CYRIB: variants seen among roughly 807,000 people sequenced by gnomAD.
The protein encoded by CYRIB is CYFIP related Rac1 interactor B.
A neutral mutation model predicts 44.2 loss-of-function variants in CYRIB; 8 were observed. The observed-to-expected ratio is 0.18, with a 90% CI of 0.11 to 0.33. The LOEUF is 0.33. Among genes scored for constraint, CYRIB ranks in the 10% least tolerant of loss-of-function variants. CYRIB has a pLI of 1.00. For missense variants in CYRIB, 185 were observed against 382.8 expected, an observed-to-expected ratio of 0.48 and a Z score of 4.31; for synonymous variants, 131 against 127.2, an observed-to-expected ratio of 1.03 and a Z score of -0.20.
chr8:129,906,100 A>T (rs990159269), intron 1 of CYRIB, among the ~76,000 whole-genome samples: 2 of 152,006 alleles, frequency 1.3e-5, no homozygotes, highest in African/African-American at 4.8e-5. Context: ...GGAAAAAACT[A>T]CTTTAAAGTT....
chr8:129,972,007 T>G (rs1021562302), intron 1 of CYRIB, among the ~76,000 whole-genome samples: 1 of 152,228 alleles, frequency 6.6e-6, no homozygotes, highest in Non-Finnish European at 1.5e-5. Context: ...CTGGCCTTTA[T>G]TCTGATTAAA....
At chr8:129,867,896 C>T (rs1261714880) in intron 4 of CYRIB, among the ~76,000 whole-genome samples, 1 of 152,030 alleles carries the variant, frequency 6.6e-6, no homozygotes, top group Non-Finnish European at 1.5e-5. Context: ...TTTAAATATA[C>T]TTCAAACTGA....
intron 5 of CYRIB, 106 bp from the exon 8 acceptor site, chr8:129,855,853 T>A: frequency 5.7e-6 from 6 of 1,061,348 alleles, no homozygotes; most frequent in Non-Finnish European, 8.0e-6. Flanking sequence ...AAAGTTCTCT[T>A]TAAAAAACAG....
intron 2 of CYRIB, chr8:129,970,527 A>G (rs1321350812): frequency 6.7e-6 from 1 of 149,584 alleles, no homozygotes; most frequent in Non-Finnish European, 1.5e-5. Flanking sequence ...TCAAGTGAGT[A>G]TTTTGTATTT....
intron 1 of CYRIB, among the ~76,000 whole-genome samples, chr8:129,987,581 T>A (rs1265995411): frequency 6.7e-6 from 1 of 148,936 alleles, no homozygotes; most frequent in Non-Finnish European, 1.5e-5. Flanking sequence ...TTTTTTTTTT[T>A]TTTTATGAGA....
intron 1 of CYRIB, among the ~76,000 whole-genome samples, 188 bp from the exon 4 acceptor site, chr8:129,903,538 T>A (rs2073493103): frequency 6.6e-6 from 1 of 152,090 alleles, no homozygotes; most frequent in Non-Finnish European, 1.5e-5. Flanking sequence ...CTATTTAGAG[T>A]AAGGCATCAT....
chr8:129,933,236 C>G (rs1369127488), intron 1 of CYRIB, among the ~76,000 whole-genome samples: 2 of 152,188 alleles, frequency 1.3e-5, no homozygotes, highest in African/African-American at 4.8e-5. Context: ...TCCCCCTCCA[C>G]ACTCCCTGAT....
At chr8:129,910,477 CTTTTTTTTTTTT>C (rs1171288097) in intron 1 of CYRIB, among the ~76,000 whole-genome samples, 15 of 110,656 alleles carry the variant, frequency 1.4e-4, no homozygotes, top group East Asian at 1.4e-3. Context: ...CCTTCTTTCA[CTTTTTTTTTTTT>C]TTTTTTTTTT....
chr8:129,844,435 A>C (rs938314799), intron 11 of CYRIB: 1 of 152,234 alleles, frequency 6.6e-6, no homozygotes, highest in Non-Finnish European at 1.5e-5. Context: ...TGTGCACAAA[A>C]ACAAATTTTT....
intron 2 of CYRIB, among the ~76,000 whole-genome samples, chr8:129,968,395 TC>T (rs1172127239): frequency 6.6e-5 from 10 of 152,354 alleles, no homozygotes; most frequent in Non-Finnish European, 1.2e-4. Flanking sequence ...CATCCTTAGT[TC>T]TTAATCATTT....
upstream of CYRIB, among the ~76,000 whole-genome samples, chr8:129,941,674 C>T (rs1265952012): frequency 6.6e-6 from 1 of 152,174 alleles, no homozygotes; most frequent in Admixed American, 6.5e-5. Flanking sequence ...CCTCAGATAA[C>T]CTGGGTCCAG....
chr8:129,925,172 T>C (rs1280802339), intron 1 of CYRIB, among the ~76,000 whole-genome samples: 1 of 151,836 alleles, frequency 6.6e-6, no homozygotes, highest in African/African-American at 2.4e-5. Flanking sequence ...CCGAGGAAGA[T>C]GGATCACGTG....
intron 2 of CYRIB, among the ~76,000 whole-genome samples, chr8:129,887,568 G>C (rs894176290): frequency 6.6e-6 from 1 of 152,184 alleles, no homozygotes; most frequent in Non-Finnish European, 1.5e-5. Context: ...TCCACCAACA[G>C]CTTGCACCAT....
intron 9 of CYRIB, 134 bp from the exon 12 acceptor site, chr8:129,849,503 C>T: frequency 1.3e-6 from 1 of 756,900 alleles, no homozygotes; most frequent in Non-Finnish European, 2.0e-6. Context: ...AGTATGTTCA[C>T]AAGTAGCCAC....
chr8:129,939,353 A>T (rs962186680), intron 1 of CYRIB, among the ~76,000 whole-genome samples: 1 of 151,122 alleles, frequency 6.6e-6, no homozygotes, highest in South Asian at 2.1e-4. Context: ...TGGAGGTGCC[A>T]ATGGAAGGAA....
chr8:129,959,567 G>A (rs1228864178), intron 2 of CYRIB, among the ~76,000 whole-genome samples: 1 of 152,034 alleles, frequency 6.6e-6, no homozygotes, highest in African/African-American at 2.4e-5. Context: ...TTGAACCCAG[G>A]AGTTTGAGAC....
chr8:129,925,992 A>AC (rs1231971353), intron 1 of CYRIB, among the ~76,000 whole-genome samples: 1 of 152,242 alleles, frequency 6.6e-6, no homozygotes, highest in African/African-American at 2.4e-5. Flanking sequence ...GAAACCTTTT[A>AC]CAACAACAGA....
Position 129,998,136 on chromosome 8 carries a change from AAAC to A in CYRIB, c.-296+18231_-296+18233del, listed in dbSNP as rs1313980064. Among the ~76,000 whole-genome samples the A allele has an allele frequency of 4.9e-3, 746 of 150,890 alleles. 12 individuals carry two copies. Among genetic ancestry groups the A allele is most frequent in the African/African-American group, 0.017 (695 of 40,704 alleles). On this transcript the variant is annotated intron_variant, in intron 1 of 14. Transcript: ENST00000401979. ...CTCTGTCTCAAAAAAAAAAAAAAAA[AAAC>A]AAAAAAAACACCTCAGAAACGGAGG...
chr8:129,947,069 T>G (rs1179133434), intron 2 of CYRIB, among the ~76,000 whole-genome samples: 1 of 152,208 alleles, frequency 6.6e-6, no homozygotes. Flanking sequence ...TATTTATTTT[T>G]TTTTTTGAGA....
Sources: gnomAD v4.1 joint callset for allele counts (sites outside exome capture counted in the v4.1 genomes callset) on GRCh38, gnomAD v4.1.1 for gene constraint, MANE v1.5 for transcripts, NCBI Gene and HGNC (gene_info 2026-07-23, HGNC 2026-07-21) for gene names.